TRDN: variants seen among roughly 807,000 people sequenced by gnomAD.
TRDN encodes triadin in skeletal muscle.
TRDN carries 161 observed loss-of-function variants against 149.7 expected under a neutral mutation model. The observed-to-expected ratio is 1.08, with a 90% CI of 0.95 to 1.23. TRDN has a LOEUF of 1.23. Among genes scored for constraint, TRDN ranks in the 50% most tolerant of loss-of-function variants. The pLI is 0.00. For synonymous variants in TRDN, 294 were observed against 250.5 expected (o/e 1.17, Z -1.64); for missense variants, 896 against 823.5 (o/e 1.09, Z -1.08).
Position 123,503,921 on chromosome 6 carries a change from G to T in TRDN, c.611-20C>A. ...TCTGTTCTGTATAAAGTTAAAAGAT[G>T]TTGAAATACTTTTGTTTATTTACAA... is the stretch of plus-strand genomic sequence containing the variant. On this transcript the variant is annotated intron_variant, in intron 7 of 40. Coordinates refer to ENST00000334268, the MANE Select transcript of TRDN (RefSeq NM_006073.4). The T allele has an allele frequency of 1.3e-6, 2 of 1,523,440 alleles. No individual in the cohort carries two copies. The highest frequency in any genetic ancestry group is 2.6e-5 in the South Asian group (2 of 78,300). 94.4% of individuals were successfully genotyped at this position (1,523,440 alleles called of 1,614,324 possible). A position where few individuals can be genotyped will look rare whatever the true frequency, so the allele number is the denominator to read the frequency against.
chr6:123,490,081 T>C (rs1238493449), intron 9 of TRDN, among the ~76,000 whole-genome samples: 1 of 152,166 alleles, frequency 6.6e-6, no homozygotes, highest in Non-Finnish European at 1.5e-5. Context: ...TAGGGTAAAA[T>C]TGAAATTGAT....
At chr6:123,300,228 T>C (rs934671185) in intron 24 of TRDN, among the ~76,000 whole-genome samples, 4 of 151,930 alleles carry the variant, frequency 2.6e-5, no homozygotes, top group African/African-American at 9.7e-5. Flanking sequence ...ATTTATTTTT[T>C]AAAAGGAAAG....
intron 9 of TRDN, among the ~76,000 whole-genome samples, chr6:123,468,302 G>T (rs1038449451): frequency 2.6e-5 from 4 of 152,108 alleles, no homozygotes; most frequent in Non-Finnish European, 4.4e-5. Flanking sequence ...GAACTCTAAA[G>T]GTGCCCTTCA....
At chr6:123,546,209 C>A (rs1781103791) in intron 4 of TRDN, among the ~76,000 whole-genome samples, 2 of 152,090 alleles carry the variant, frequency 1.3e-5, no homozygotes, top group Non-Finnish European at 2.9e-5. Context: ...CTTGAGTTCT[C>A]ATTCTGGATT....
chr6:123,218,533 G>T lies in TRDN; in HGVS notation c.*68C>A. ...CTGGGTTGCATATTCTTAATTGCCT[G>T]AACTACTGTGGACAAAACATCACAT... On this transcript the variant is annotated 3_prime_UTR_variant, in exon 41 of 41. Coordinates refer to ENST00000334268, the MANE Select transcript of TRDN (RefSeq NM_006073.4). 1 of 1,524,088 alleles carries T rather than the reference G, an allele frequency of 6.6e-7. No individual in the cohort carries two copies. Among genetic ancestry groups the T allele is most frequent in the Non-Finnish European group, 8.8e-7 (1 of 1,130,642 alleles). 94.4% of individuals were successfully genotyped at this position (1,524,088 alleles called of 1,614,324 possible).
chr6:123,578,547 G>C (rs901019561), intron 1 of TRDN, among the ~76,000 whole-genome samples: 1 of 152,014 alleles, frequency 6.6e-6, no homozygotes, highest in Non-Finnish European at 1.5e-5. Flanking sequence ...ATGCTATTTC[G>C]CTCACTGTAG....
intron 1 of TRDN, among the ~76,000 whole-genome samples, chr6:123,588,051 G>A (rs898653759): frequency 6.6e-6 from 1 of 152,106 alleles, no homozygotes; most frequent in Non-Finnish European, 1.5e-5. Flanking sequence ...CCTTCAGGTA[G>A]CAGGCTTCAG....
chr6:123,515,219 A>AG (rs1779361273), intron 6 of TRDN, among the ~76,000 whole-genome samples: 1 of 152,106 alleles, frequency 6.6e-6, no homozygotes, highest in Admixed American at 6.6e-5. Context: ...AAACTCAGAG[A>AG]GAAAAAAAGA....
intron 12 of TRDN, among the ~76,000 whole-genome samples, chr6:123,419,978 C>T (rs1468586268): frequency 2.0e-5 from 3 of 152,092 alleles, no homozygotes; most frequent in South Asian, 2.1e-4. Context: ...ATCAGTTTTT[C>T]GTCAGTACCC....
chr6:123,482,447 T>C (rs556903767), intron 9 of TRDN, among the ~76,000 whole-genome samples: 327 of 152,316 alleles, frequency 2.1e-3, no homozygotes, highest in Non-Finnish European at 4.0e-3. Context: ...AGTCATCCAA[T>C]CTCTCTTCCT....
Position 123,338,290 on chromosome 6 carries a change from CAG to C in TRDN, c.1370-623_1370-622del, listed in dbSNP as rs554750892. Among the ~76,000 whole-genome samples the C allele has an allele frequency of 2.2e-3, 328 of 152,206 alleles. 2 individuals carry two copies. The highest frequency in any genetic ancestry group is 5.4e-3 in the African/African-American group (224 of 41,548). ...GAAAGAAAGACACATTTTAGAGAAA[CAG>C]AGAGAGAATGGGAGGCCTGGACAGG... On this transcript the variant is annotated intron_variant, in intron 21 of 40. Transcript: ENST00000334268.
intron 8 of TRDN, chr6:123,502,208 T>C: frequency 1.1e-5 from 11 of 983,884 alleles, no homozygotes; most frequent in Non-Finnish European, 1.3e-5. Context: ...AAAGATTATT[T>C]CTGCTGTTTT....
intron 40 of TRDN, among the ~76,000 whole-genome samples, chr6:123,221,267 C>G (rs1352343336): frequency 6.6e-6 from 1 of 151,742 alleles, no homozygotes; most frequent in East Asian, 1.9e-4. Flanking sequence ...GCCACTTCAA[C>G]CATTACTTGT....
intron 38 of TRDN, among the ~76,000 whole-genome samples, chr6:123,238,547 G>A (rs1265280767): frequency 6.6e-6 from 1 of 152,160 alleles, no homozygotes; most frequent in East Asian, 1.9e-4. Flanking sequence ...AGCATTGAGA[G>A]AGCATGAGAA....
chr6:123,502,601 A>G (rs1180132836), intron 8 of TRDN: 28 of 984,852 alleles, frequency 2.8e-5, no homozygotes, highest in Non-Finnish European at 3.4e-5. Context: ...AGATGAAAAT[A>G]CAGTACGAGT....
intron 24 of TRDN, among the ~76,000 whole-genome samples, chr6:123,282,464 TA>T (rs1777618776): frequency 6.6e-6 from 1 of 152,072 alleles, no homozygotes; most frequent in East Asian, 1.9e-4. Flanking sequence ...TTTTAACAGA[TA>T]TTTGTCAAAT....
At chr6:123,503,484 C>G (rs1562351018) in intron 8 of TRDN, 1 of 984,942 alleles carries the variant, frequency 1.0e-6, no homozygotes, top group Non-Finnish European at 1.2e-6. Flanking sequence ...CCTCCAAACC[C>G]CTTTTAAAAA....
intron 38 of TRDN, among the ~76,000 whole-genome samples, chr6:123,247,390 C>A (rs557765127): frequency 6.6e-6 from 1 of 152,298 alleles, no homozygotes; most frequent in South Asian, 2.1e-4. Flanking sequence ...TAATAAGCAA[C>A]TTCTGCAAAG....
chr6:123,239,053 A>T lies in TRDN; in HGVS notation c.1975+13359T>A, dbSNP rs568298879. ...ACAGGGTTTCACCATGTAGGCCAGGATGGTCTTGATCTCCTGACCTCATGA... is the reference window on the plus strand; with the variant it reads ...ACAGGGTTTCACCATGTAGGCCAGGTTGGTCTTGATCTCCTGACCTCATGA... On this transcript the variant is annotated intron_variant, in intron 38 of 40. Transcript: ENST00000334268. 2.6e-4 allele frequency among the ~76,000 whole-genome samples: 39 copies of T among 152,126 alleles called. 1 individual carries two copies. The highest frequency in any genetic ancestry group is 1.9e-3 in the Admixed American group (29 of 15,254).
Sources: gnomAD v4.1 joint callset for allele counts (sites outside exome capture counted in the v4.1 genomes callset) on GRCh38, gnomAD v4.1.1 for gene constraint, MANE v1.5 for transcripts, NCBI Gene and HGNC (gene_info 2026-07-23, HGNC 2026-07-21) for gene names.